The following LCLAT1 variants were observed in gnomAD, a reference collection of about 807,000 sequenced individuals.
The protein encoded by LCLAT1 is lysocardiolipin acyltransferase 1, also known as 1-AGP acyltransferase 8.
LCLAT1 carries 11 observed loss-of-function variants against 30.7 expected under a neutral mutation model. That is an observed-to-expected ratio of 0.36 (90% CI 0.23 to 0.59). The LOEUF (loss-of-function observed/expected upper bound fraction) is 0.59. LCLAT1 is among the 20% of genes least tolerant of loss of function. The pLI is 0.77. For synonymous variants in LCLAT1, 155 were observed against 151.3 expected (o/e 1.02, Z -0.18); for missense variants, 402 against 458.6 (o/e 0.88, Z 1.13).
At chr2:30,611,270 C>T (rs1389834631) in intron 5 of LCLAT1, among the ~76,000 whole-genome samples, 3 of 151,998 alleles carry the variant, frequency 2.0e-5, no homozygotes, top group Non-Finnish European at 4.4e-5. Context: ...GAAACCAAAG[C>T]ATATATTCTA....
intron 5 of LCLAT1, among the ~76,000 whole-genome samples, chr2:30,596,279 C>T (rs577786171): frequency 5.3e-4 from 80 of 152,184 alleles, no homozygotes; most frequent in African/African-American, 1.6e-3. Context: ...GCATTCCTCT[C>T]GCTCCACAGC....
At chr2:30,593,091 T>A (rs999024218) in intron 5 of LCLAT1, among the ~76,000 whole-genome samples, 4 of 152,172 alleles carry the variant, frequency 2.6e-5, no homozygotes, top group African/African-American at 7.2e-5. Context: ...CAGCCTCTGG[T>A]AACCATAATT....
At chr2:30,473,942 T>A (rs547430857) in intron 1 of LCLAT1, among the ~76,000 whole-genome samples, 1 of 152,326 alleles carries the variant, frequency 6.6e-6, no homozygotes, top group East Asian at 1.9e-4. Flanking sequence ...CCAGTCCAAT[T>A]CACTGTTTGG....
intron 1 of LCLAT1, among the ~76,000 whole-genome samples, chr2:30,513,833 G>T (rs759282704): frequency 9.2e-5 from 14 of 152,172 alleles, no homozygotes; most frequent in Non-Finnish European, 1.6e-4. Context: ...CCTGCTTCGA[G>T]TTGTCCCGCC....
At chr2:30,639,084 G>C (rs1177558016) in intron 5 of LCLAT1, among the ~76,000 whole-genome samples, 1 of 152,118 alleles carries the variant, frequency 6.6e-6, no homozygotes, top group African/African-American at 2.4e-5. Flanking sequence ...CATGTAAAAT[G>C]CTTCTCTGCC....
chr2:30,530,029 A>G (rs1049840454), intron 2 of LCLAT1, among the ~76,000 whole-genome samples: 8 of 152,246 alleles, frequency 5.3e-5, no homozygotes, highest in Admixed American at 2.6e-4. Context: ...TTTATACACA[A>G]TGGAACACTT....
intron 5 of LCLAT1, among the ~76,000 whole-genome samples, chr2:30,592,926 A>G (rs1204566669): frequency 6.6e-6 from 1 of 152,196 alleles, no homozygotes; most frequent in Non-Finnish European, 1.5e-5. Context: ...CATTAGAAAC[A>G]TTTATTAATA....
At chr2:30,483,792 G>A (rs550789003) in intron 1 of LCLAT1, among the ~76,000 whole-genome samples, 1 of 152,212 alleles carries the variant, frequency 6.6e-6, no homozygotes, top group East Asian at 1.9e-4. Flanking sequence ...GATTTTAAAG[G>A]CAATTCTACT....
chr2:30,608,433 T>C (rs1467286846), intron 5 of LCLAT1, among the ~76,000 whole-genome samples: 1 of 152,082 alleles, frequency 6.6e-6, no homozygotes, highest in Non-Finnish European at 1.5e-5. Context: ...TCTACAGTAG[T>C]GTACAGTGGT....
At chr2:30,509,199 C>T (rs1234644307) in intron 1 of LCLAT1, among the ~76,000 whole-genome samples, 2 of 152,166 alleles carry the variant, frequency 1.3e-5, no homozygotes, top group African/African-American at 4.8e-5. Flanking sequence ...GATATAGGTT[C>T]ATGTCATCTG....
At chr2:30,564,049 G>A (rs1665363747) in intron 4 of LCLAT1, among the ~76,000 whole-genome samples, 1 of 152,074 alleles carries the variant, frequency 6.6e-6, no homozygotes, top group Non-Finnish European at 1.5e-5. Context: ...TAATACTGAG[G>A]ATAATAATGG....
At chr2:30,472,093 A>C (rs1682826298) in intron 1 of LCLAT1, among the ~76,000 whole-genome samples, 1 of 152,224 alleles carries the variant, frequency 6.6e-6, no homozygotes, top group South Asian at 2.1e-4. Context: ...ACTTTAAAGA[A>C]GCTAATTTAA....
Position 30,567,184 on chromosome 2 carries a change from TA to T in LCLAT1, c.512-869del, listed in dbSNP as rs1003478256. Among the ~76,000 whole-genome samples the T allele has an allele frequency of 3.3e-5, 5 of 152,304 alleles. No homozygotes were observed. The East Asian group carries it at 5.8e-4, about 18-fold the overall frequency. ...ATTTTGTTATATAGGGATTGTTTTA[TA>T]AAAAAATTTAGTTATTAGCATTTTA... On this transcript the variant is annotated intron_variant, in intron 4 of 5. Coordinates refer to ENST00000379509, the MANE Select transcript of LCLAT1 (RefSeq NM_001002257.3).
intron 1 of LCLAT1, among the ~76,000 whole-genome samples, chr2:30,452,617 T>A (rs1477554625): frequency 2.6e-5 from 4 of 152,228 alleles, no homozygotes; most frequent in Non-Finnish European, 5.9e-5. Context: ...TTTTTTGTTT[T>A]ATTTTTTGGG....
At chr2:30,500,717 C>T (rs772666553) in intron 1 of LCLAT1, among the ~76,000 whole-genome samples, 54 of 152,258 alleles carry the variant, frequency 3.5e-4, no homozygotes, top group Non-Finnish European at 5.3e-4. Context: ...TAAATATTTT[C>T]ATCATTTTGC....
chr2:30,468,577 T>C (rs77719416), intron 1 of LCLAT1, among the ~76,000 whole-genome samples: 67 of 152,296 alleles, frequency 4.4e-4, no homozygotes, highest in African/African-American at 1.5e-3. Flanking sequence ...CATTTTAAAG[T>C]GGACAAATCA....
At chr2:30,518,298 A>G (rs990858525) in intron 1 of LCLAT1, among the ~76,000 whole-genome samples, 2 of 152,234 alleles carry the variant, frequency 1.3e-5, no homozygotes, top group Non-Finnish European at 2.9e-5. Context: ...CCTTGAGGAC[A>G]GGACAATAAA....
rs189245939 is a variant in LCLAT1 at position 30,548,861 on chromosome 2, A to T, written c.365-13285A>T. The stretch of plus-strand genomic sequence containing the variant: ...AAGTCACAATATACAGGGTTAAACA[A>T]AGCTCATGTGATGAGAATTTATGGT... On this transcript the variant is annotated intron_variant, in intron 3 of 5. Coordinates refer to ENST00000379509, the MANE Select transcript of LCLAT1 (RefSeq NM_001002257.3). 3.0e-4 allele frequency among the ~76,000 whole-genome samples: 46 copies of T among 152,316 alleles called. 1 individual carries two copies. In the East Asian group the frequency reaches 8.5e-3, roughly 28 times the overall value.
intron 1 of LCLAT1, among the ~76,000 whole-genome samples, chr2:30,500,168 T>A (rs1684305691): frequency 6.6e-6 from 1 of 152,228 alleles, no homozygotes; most frequent in Non-Finnish European, 1.5e-5. Flanking sequence ...AATTATTTGA[T>A]TCCTTTCATA....
Sources: allele counts gnomAD v4.1 joint callset (sites outside exome capture counted in the v4.1 genomes callset), GRCh38; gene constraint gnomAD v4.1.1; transcripts MANE v1.5; gene names NCBI Gene and HGNC (gene_info 2026-07-23, HGNC 2026-07-21).